Variants in FLOT2 observed in about 807,000 individuals in gnomAD.
FLOT2 encodes flotillin 2.
Under a neutral mutation model 54.9 loss-of-function variants are expected in FLOT2, and 35 were observed. The observed-to-expected ratio is 0.64, with a 90% CI of 0.49 to 0.84. The LOEUF is 0.84. Ranked by LOEUF, FLOT2 falls within the 40% of genes least tolerant of loss-of-function variation. FLOT2 has a pLI of 0.00. For synonymous variants in FLOT2, 207 were observed against 228.9 expected, an observed-to-expected ratio of 0.90 and a Z score of 0.86; for missense variants, 464 against 572.1, an observed-to-expected ratio of 0.81 and a Z score of 1.93.
chr17:28,889,755 T>G (rs570237645), intron 1 of FLOT2, among the ~76,000 whole-genome samples: 1 of 152,216 alleles, frequency 6.6e-6, no homozygotes, highest in African/African-American at 2.4e-5. Flanking sequence ...TTCTCCTGCC[T>G]CAGCCTCCCG....
chr17:28,887,292 C>T (rs886693343), intron 2 of FLOT2, among the ~76,000 whole-genome samples: 5 of 152,162 alleles, frequency 3.3e-5, no homozygotes, highest in African/African-American at 9.6e-5. Flanking sequence ...TACTCTGACC[C>T]GAGAGGCTCC....
chr17:28,881,819 A>AC lies in FLOT2; in HGVS notation c.908dup (p.Glu304Ter). ...GGCACCTGGGCGGCTCTCACTTTTC[A>AC]CCCTCGGCAATCTGCTGGATGCGGT... On this transcript the variant is annotated frameshift_variant, in exon 8 of 11. Coordinates refer to ENST00000394908, the MANE Select transcript of FLOT2 (RefSeq NM_004475.3). LOFTEE classifies it high-confidence loss of function. 6.2e-7 allele frequency: 1 copy of AC among 1,612,964 alleles called. No homozygotes were observed. Among genetic ancestry groups the AC allele is most frequent in the Non-Finnish European group, 8.5e-7 (1 of 1,179,982 alleles).
In FLOT2 at chr17:28,882,460, G is replaced by A; in HGVS notation, c.466-10C>T. The A allele has an allele frequency of 6.2e-7, 1 of 1,612,150 alleles. No individual in the cohort carries two copies. On this transcript the variant is annotated splice_polypyrimidine_tract_variant and intron_variant, in intron 5 of 10. Coordinates refer to ENST00000394908, the MANE Select transcript of FLOT2 (RefSeq NM_004475.3). This position sits in a 1 kb window ranked among gnomAD's most constrained non-coding sequence, Gnocchi z 5.6. ...CTTTGTCATACACGTCCTGGGGAGG[G>A]AAGGGGGTATCAGAGGCTCAAAGGA...
At chr17:28,895,698 G>A (rs2039729341) in intron 1 of FLOT2, among the ~76,000 whole-genome samples, 1 of 152,132 alleles carries the variant, frequency 6.6e-6, no homozygotes, top group Admixed American at 6.6e-5. Flanking sequence ...ATAAAATTAT[G>A]CTTTTCTCCC....
Position 28,897,140 on chromosome 17 carries a change from C to A in FLOT2, c.49+386G>T, listed in dbSNP as rs114332465. Among the ~76,000 whole-genome samples, 124 of 152,378 alleles carry A rather than the reference C, an allele frequency of 8.1e-4. No homozygotes were observed. The highest frequency in any genetic ancestry group is 2.5e-3 in the African/African-American group (105 of 41,602). Reference sequence around the variant, plus strand: ...GCCCTCCAGGGCTGCGCGACCCGCCCCCCATCCCGGGCGCTGGAATCCAGC... The same window carrying A: ...GCCCTCCAGGGCTGCGCGACCCGCCACCCATCCCGGGCGCTGGAATCCAGC... On this transcript the variant is annotated intron_variant, in intron 1 of 10. Coordinates refer to ENST00000394908, the MANE Select transcript of FLOT2 (RefSeq NM_004475.3). The surrounding 1 kb of genome is among the most constrained non-coding windows in gnomAD (Gnocchi z 4.4).
chr17:28,891,257 C>G (rs2039647169), intron 1 of FLOT2, among the ~76,000 whole-genome samples: 1 of 152,136 alleles, frequency 6.6e-6, no homozygotes, highest in Non-Finnish European at 1.5e-5. Flanking sequence ...TGACTGACTC[C>G]CAAGGTCAAG....
At chr17:28,890,608 G>A (rs1254262693) in intron 1 of FLOT2, among the ~76,000 whole-genome samples, 2 of 152,176 alleles carry the variant, frequency 1.3e-5, no homozygotes, top group East Asian at 3.9e-4. Flanking sequence ...GGATGGTCAC[G>A]ATCTCCTAAC....
Position 28,882,107 on chromosome 17 carries a change from A to G in FLOT2, c.699+11T>C. ...CTGAGCCCCATCCCAGGATGTCCTC[A>G]GGCTGCTCACCTTGATGTTAACCTC... On this transcript the variant is annotated intron_variant, in intron 7 of 10. Transcript: ENST00000394908. This position sits in a 1 kb window ranked among gnomAD's most constrained non-coding sequence, Gnocchi z 5.6. 1 of 1,614,066 alleles carries G rather than the reference A, an allele frequency of 6.2e-7. No homozygotes were observed.
At position 28,883,951 on chromosome 17, in the gene FLOT2, G is replaced by C. The variant is rs1390168949; in HGVS notation, c.222+274C>G. 2.0e-5 allele frequency among the ~76,000 whole-genome samples: 3 copies of C among 152,320 alleles called. No individual in the cohort carries two copies. The highest frequency in any genetic ancestry group is 4.4e-5 in the Non-Finnish European group (3 of 68,030). On this transcript the variant is annotated intron_variant, in intron 3 of 10. Transcript: ENST00000394908. This position sits in a 1 kb window ranked among gnomAD's most constrained non-coding sequence, Gnocchi z 5.0. ...CAACACCTGCAAAGAATGGGGGTGG[G>C]GTTAGTGAGCCAGGAGCCCTCAGCA...
At chr17:28,881,049 C>T (rs542095019) in intron 9 of FLOT2, 143 bp downstream of exon 9, 2 of 1,026,638 alleles carry the variant, frequency 1.9e-6, no homozygotes, top group African/African-American at 1.6e-5. Context: ...GGGTTCCTGC[C>T]CCCTGCTGAG....
Position 28,880,213 on chromosome 17 carries a change from G to A in FLOT2, c.*348C>T. 5.2e-6 allele frequency: 6 copies of A among 1,152,358 alleles called. No homozygotes were observed. The highest frequency in any genetic ancestry group is 6.4e-6 in the Non-Finnish European group (6 of 930,346). The allele number at this position is 1,152,358 out of a possible 1,614,324, so 71.4% of individuals were successfully genotyped here. A position where few individuals can be genotyped will look rare whatever the true frequency, so the allele number is the denominator to read the frequency against. On this transcript the variant is annotated 3_prime_UTR_variant, in exon 11 of 11. Transcript: ENST00000394908. ...CTTCAAGGCACCAGGATTCTGAGGA[G>A]CAGCAGGGCCACCCCCCACAGAGAG...
rs1223555613 is a variant in FLOT2, at chr17:28,897,559, T to C, written c.16A>G (p.Thr6Ala). Residue 6 changes from threonine (T) to alanine (A), a missense_variant, in exon 1 of 11, where the codon ACG becomes GCG. Transcript: ENST00000394908. This position sits in a 1 kb window ranked among gnomAD's most constrained non-coding sequence, Gnocchi z 4.4. MGNCH[T>A]VGPNEALVVS... ...ACCAGCGCCTCGTTGGGCCCCACCG[T>C]GTGGCAATTGCCCATGGCGCCGGCG... is the stretch of plus-strand genomic sequence containing the variant. The C allele has an allele frequency of 5.6e-6, 9 of 1,603,696 alleles. No homozygotes were observed. The highest frequency in any genetic ancestry group is 1.3e-5 in the African/African-American group (1 of 74,110).
intron 1 of FLOT2, among the ~76,000 whole-genome samples, chr17:28,890,381 C>T (rs563124304): frequency 1.4e-5 from 2 of 143,132 alleles, no homozygotes; most frequent in South Asian, 4.6e-4. Flanking sequence ...AAATCAATTC[C>T]TGAGATTTCT....
At chr17:28,886,051 C>A in intron 2 of FLOT2, 1 of 410,452 alleles carries the variant, frequency 2.4e-6, no homozygotes, top group Non-Finnish European at 4.2e-6. Flanking sequence ...TGCCTGACGC[C>A]TGGGGGCGGG....
At chr17:28,894,616 CTTTTTTTTT>C (rs34266130) in intron 1 of FLOT2, among the ~76,000 whole-genome samples, 20 of 47,424 alleles carry the variant, frequency 4.2e-4, no homozygotes, top group Admixed American at 3.4e-3. Context: ...AGAGCAAGAC[CTTTTTTTTT>C]TTTTTTTTTT....
chr17:28,893,580 G>C (rs998011627), intron 1 of FLOT2, among the ~76,000 whole-genome samples: 1 of 152,062 alleles, frequency 6.6e-6, no homozygotes, highest in Admixed American at 6.5e-5. Flanking sequence ...TGTTTTTGTA[G>C]AGACAGGGTC....
intron 1 of FLOT2, among the ~76,000 whole-genome samples, chr17:28,892,116 G>C (rs1256787942): frequency 6.6e-6 from 1 of 152,182 alleles, no homozygotes; most frequent in African/African-American, 2.4e-5. Context: ...CCTGGGAAGT[G>C]GGGTGGGGAG....
At position 28,880,160 on chromosome 17, in the gene FLOT2, T is replaced by G; in HGVS notation, c.*401A>C. On this transcript the variant is annotated 3_prime_UTR_variant, in exon 11 of 11. Coordinates refer to ENST00000394908, the MANE Select transcript of FLOT2 (RefSeq NM_004475.3). ...CCATGCTGAGCTCTGGCCAGGGCCA[T>G]AGGGAGGATGGACAGATGCACAGAG... is the stretch of plus-strand genomic sequence containing the variant. The G allele has an allele frequency of 1.9e-6, 2 of 1,076,826 alleles. No homozygotes were observed. Among genetic ancestry groups the G allele is most frequent in the Non-Finnish European group, 2.3e-6 (2 of 884,574 alleles). 66.7% of individuals were successfully genotyped at this position (1,076,826 alleles called of 1,614,324 possible). A position where few individuals can be genotyped will look rare whatever the true frequency, so the allele number is the denominator to read the frequency against.
chr17:28,886,066 G>GGGGGGGGGT, intron 2 of FLOT2: 4 of 588,928 alleles, frequency 6.8e-6, no homozygotes, highest in Non-Finnish European at 9.5e-6. Flanking sequence ...GGCGGGGGGG[G>GGGGGGGGGT]GCATGCTGTC....
Sources: gnomAD v4.1 joint callset for allele counts (sites outside exome capture counted in the v4.1 genomes callset) on GRCh38, gnomAD v4.1.1 for gene constraint, Gnocchi (gnomAD v3.1) non-coding constraint, MANE v1.5 for transcripts, NCBI Gene and HGNC (gene_info 2026-07-23, HGNC 2026-07-21) for gene names.